The following UNC5C variants were observed in gnomAD, a reference collection of about 807,000 sequenced individuals.
The protein encoded by UNC5C is unc-5 netrin receptor C.
UNC5C carries 47 observed loss-of-function variants against 99.8 expected under a neutral mutation model. That is an observed-to-expected ratio of 0.47 (90% CI 0.37 to 0.60). UNC5C has a LOEUF of 0.60. UNC5C is among the 20% of genes least tolerant of loss of function. The pLI is 0.00. For synonymous variants in UNC5C, 487 were observed against 452.2 expected (o/e 1.08, Z -0.98); for missense variants, 1,062 against 1,165.9 (o/e 0.91, Z 1.30).
intron 1 of UNC5C, among the ~76,000 whole-genome samples, chr4:95,356,217 A>AAAAAC (rs1744191749): frequency 1.3e-5 from 1 of 75,908 alleles, no homozygotes; most frequent in Non-Finnish European, 2.7e-5. Flanking sequence ...AAAAAACAAA[A>AAAAAC]CAAAAAAAAA....
chr4:95,513,255 T>G (rs1056233570), intron 1 of UNC5C, among the ~76,000 whole-genome samples: 1 of 152,230 alleles, frequency 6.6e-6, no homozygotes, highest in Non-Finnish European at 1.5e-5. Context: ...TGAATTTTTC[T>G]TTGTAATCTA....
At chr4:95,432,428 T>A (rs1265906972) in intron 1 of UNC5C, among the ~76,000 whole-genome samples, 1 of 152,144 alleles carries the variant, frequency 6.6e-6, no homozygotes, top group Non-Finnish European at 1.5e-5. Flanking sequence ...AGAGGGATAA[T>A]CATACAGTTT....
In UNC5C at chr4:95,220,929, C is replaced by T. The variant is rs192250616; in HGVS notation, c.1109-753G>A. 1.5e-4 allele frequency among the ~76,000 whole-genome samples: 23 copies of T among 152,248 alleles called. 1 individual carries two copies. The highest frequency in any genetic ancestry group is 8.5e-4 in the Admixed American group (13 of 15,284). ...CATTACTAGAATAAAATATAGCTCT[C>T]TTGTGCACTAAGGAAGACAAAGGCC... On this transcript the variant is annotated intron_variant, in intron 7 of 15. Transcript: ENST00000453304.
At position 95,185,184 on chromosome 4, in the gene UNC5C, G is replaced by C; in HGVS notation, c.2149C>G (p.Leu717Val). 1.2e-6 allele frequency: 2 copies of C among 1,607,408 alleles called. No individual in the cohort carries two copies. Among genetic ancestry groups the C allele is most frequent in the Non-Finnish European group, 1.7e-6 (2 of 1,178,072 alleles). ...AGCTGTCCTCCCATCTGTCTCTCAA[G>C]ATGTAAAATTTCCTATAATGACATG... is the stretch of plus-strand genomic sequence containing the variant. ...TQDALKEILH[L>V]ERQMGGQLLE... The change falls in exon 13 of 16, where the codon CTT (leucine) becomes GTT (valine). Residue 717 changes from leucine to valine, a missense_variant. Leu to Val is a conservative substitution (Grantham distance 32). This residue lies in a region of UNC5C where 810 missense variants were observed against 854.5 expected (regional missense o/e 0.95). Coordinates refer to ENST00000453304, the MANE Select transcript of UNC5C (RefSeq NM_003728.4).
chr4:95,291,801 A>C (rs1422644344), intron 3 of UNC5C, among the ~76,000 whole-genome samples: 1 of 152,188 alleles, frequency 6.6e-6, no homozygotes, highest in African/African-American at 2.4e-5. Flanking sequence ...AAAATGTCTA[A>C]AGTATATATT....
At chr4:95,266,000 T>TAA (rs1434483806) in intron 4 of UNC5C, among the ~76,000 whole-genome samples, 1 of 152,236 alleles carries the variant, frequency 6.6e-6, no homozygotes, top group African/African-American at 2.4e-5. Flanking sequence ...TATACCTACC[T>TAA]AAATGTATTT....
chr4:95,326,885 AT>A (rs1742903572), intron 2 of UNC5C, among the ~76,000 whole-genome samples: 1 of 152,142 alleles, frequency 6.6e-6, no homozygotes, highest in Non-Finnish European at 1.5e-5. Flanking sequence ...AATGTAGTCA[AT>A]TTTTCTTAGT....
intron 11 of UNC5C, among the ~76,000 whole-genome samples, chr4:95,206,255 T>C (rs1737872417): frequency 6.6e-6 from 1 of 151,896 alleles, no homozygotes; most frequent in Non-Finnish European, 1.5e-5. Flanking sequence ...TGCATTGGCC[T>C]CCCAAAGTGC....
At chr4:95,212,397 G>C (rs1252849202) in intron 10 of UNC5C, among the ~76,000 whole-genome samples, 2 of 151,898 alleles carry the variant, frequency 1.3e-5, no homozygotes, top group East Asian at 3.9e-4. Flanking sequence ...TTTATACCGC[G>C]GTTTGTCTGT....
intron 1 of UNC5C, among the ~76,000 whole-genome samples, chr4:95,349,788 T>C (rs1743920180): frequency 6.6e-6 from 1 of 152,030 alleles, no homozygotes; most frequent in Non-Finnish European, 1.5e-5. Context: ...TAATTCTTCC[T>C]GCCTTTATCT....
chr4:95,307,493 G>C (rs1742104374), intron 2 of UNC5C, among the ~76,000 whole-genome samples: 1 of 152,016 alleles, frequency 6.6e-6, no homozygotes, highest in Non-Finnish European at 1.5e-5. Flanking sequence ...GATTAAATCA[G>C]AAATAAAAAG....
At chr4:95,351,331 CT>C (rs34484505) in intron 1 of UNC5C, among the ~76,000 whole-genome samples, 21,462 of 146,268 alleles carry the variant, frequency 0.15, 1,832 homozygotes, top group Admixed American at 0.2. Context: ...TAGGGTTAGG[CT>C]TTTTTTTTTT....
At chr4:95,334,137 T>A (rs899815721) in intron 2 of UNC5C, among the ~76,000 whole-genome samples, 82 of 152,160 alleles carry the variant, frequency 5.4e-4, no homozygotes, top group African/African-American at 1.9e-3. Flanking sequence ...ATGTCCTACA[T>A]GCTTTTTAAA....
At chr4:95,537,600 T>C (rs1722814144) in intron 1 of UNC5C, among the ~76,000 whole-genome samples, 1 of 152,200 alleles carries the variant, frequency 6.6e-6, no homozygotes, top group South Asian at 2.1e-4. Context: ...GCCTTTCAGA[T>C]GATTGAAATG....
chr4:95,393,713 A>G, intron 1 of UNC5C, among the ~76,000 whole-genome samples: 1 of 152,188 alleles, frequency 6.6e-6, no homozygotes, highest in East Asian at 1.9e-4. Context: ...GTGTGCTGAT[A>G]CATTCTTCCC....
intron 1 of UNC5C, among the ~76,000 whole-genome samples, chr4:95,511,578 T>C (rs1045160474): frequency 1.1e-4 from 17 of 152,130 alleles, no homozygotes; most frequent in Admixed American, 1.1e-3. Context: ...CTTCACTTAG[T>C]AGGTACACTG....
intron 7 of UNC5C, among the ~76,000 whole-genome samples, chr4:95,234,282 TAAGTA>T (rs1280102692): frequency 6.6e-6 from 1 of 152,020 alleles, no homozygotes; most frequent in African/African-American, 2.4e-5. Flanking sequence ...GTAGTATTAT[TAAGTA>T]AAAACTGATA....
At chr4:95,366,001 G>A (rs1744553854) in intron 1 of UNC5C, among the ~76,000 whole-genome samples, 1 of 151,604 alleles carries the variant, frequency 6.6e-6, no homozygotes, top group Non-Finnish European at 1.5e-5. Context: ...TCCATTTGAA[G>A]AGAAATTAAA....
At chr4:95,282,337 G>C (rs1741089349) in intron 3 of UNC5C, among the ~76,000 whole-genome samples, 1 of 152,184 alleles carries the variant, frequency 6.6e-6, no homozygotes, top group South Asian at 2.1e-4. Flanking sequence ...GGTCTGGGAA[G>C]TTTAGGAGTG....
Sources: gnomAD v4.1 joint callset for allele counts (sites outside exome capture counted in the v4.1 genomes callset) on GRCh38, gnomAD v4.1.1 for gene constraint, gnomAD v4.1.1 regional missense constraint, MANE v1.5 for transcripts, NCBI Gene and HGNC (gene_info 2026-07-23, HGNC 2026-07-21) for gene names.